Variants in COLQ observed in about 807,000 individuals in gnomAD.
The protein encoded by COLQ is acetylcholinesterase collagenic tail peptide.
COLQ carries 48 observed loss-of-function variants against 69.0 expected under a neutral mutation model. That is an observed-to-expected ratio of 0.70 (90% CI 0.55 to 0.88). The LOEUF (loss-of-function observed/expected upper bound fraction) is 0.88, where lower values mean the gene tolerates loss of function less well. Ranked by LOEUF, COLQ falls within the 40% of genes least tolerant of loss-of-function variation. COLQ has a pLI of 0.00. For missense variants in COLQ, 618 were observed against 594.6 expected (o/e 1.04, Z -0.41); for synonymous variants, 217 against 211.2 (o/e 1.03, Z -0.24).
chr3:15,453,250 A>T (rs1384553535), intron 16 of COLQ, among the ~76,000 whole-genome samples: 10 of 152,214 alleles, frequency 6.6e-5, no homozygotes, highest in Admixed American at 1.3e-4. Context: ...TGTCCTGAAC[A>T]ACATAAATAG....
chr3:15,515,801 G>C (rs183675627), intron 1 of COLQ, among the ~76,000 whole-genome samples: 1 of 152,150 alleles, frequency 6.6e-6, no homozygotes, highest in Non-Finnish European at 1.5e-5. Context: ...GCGAGACTCC[G>C]TCTCAAAAAA....
chr3:15,497,491 C>T (rs1013582967), intron 1 of COLQ, among the ~76,000 whole-genome samples: 1 of 152,170 alleles, frequency 6.6e-6, no homozygotes, highest in Non-Finnish European at 1.5e-5. Context: ...AAGTAGCCTT[C>T]CCTCCCACCC....
intron 1 of COLQ, among the ~76,000 whole-genome samples, chr3:15,507,971 C>A (rs1025304172): frequency 2.0e-5 from 3 of 151,966 alleles, no homozygotes; most frequent in Admixed American, 2.0e-4. Context: ...GTTTTTGCCA[C>A]ACATTATTTT....
In COLQ at chr3:15,450,938, C is replaced by T. The variant is rs932259649; in HGVS notation, c.*706G>A. On this transcript the variant is annotated 3_prime_UTR_variant, in exon 17 of 17. Coordinates refer to ENST00000383788, the MANE Select transcript of COLQ (RefSeq NM_005677.4). The stretch of plus-strand genomic sequence containing the variant: ...CCAGAGATTTTGAAACCACAAGAGC[C>T]GCCCCTTTGGGAAACACTGAGAAGA... The T allele has an allele frequency of 8.5e-5, 13 of 152,874 alleles. No homozygotes were observed. The highest frequency in any genetic ancestry group is 2.6e-4 in the African/African-American group (11 of 41,572). The allele number at this position is 152,874 out of a possible 1,614,324, so 9.5% of individuals were successfully genotyped here.
intron 12 of COLQ, among the ~76,000 whole-genome samples, chr3:15,461,871 A>G (rs2062119821): frequency 6.6e-6 from 1 of 151,778 alleles, no homozygotes; most frequent in South Asian, 2.1e-4. Flanking sequence ...AGGTATATAC[A>G]GTTTTTTCCC....
At chr3:15,478,917 C>A (rs1575476895) in intron 5 of COLQ, 60 bp downstream of exon 5, 1 of 1,601,660 alleles carries the variant, frequency 6.2e-7, no homozygotes, top group East Asian at 2.2e-5. Context: ...CCTAGGAGTG[C>A]ATGCACACAC....
At position 15,470,493 on chromosome 3, in the gene COLQ, GAAGTTCTGACCTCAGGCGGGTGGT is replaced by G. The variant is rs760164844; in HGVS notation, c.717+19_717+42del. 7.0e-6 allele frequency: 11 copies of G among 1,563,648 alleles called. No homozygotes were observed. In the East Asian group the frequency reaches 2.2e-4, roughly 32 times the overall value. ...GCCACTCCACACACTGCCAGGTCAG[GAAGTTCTGACCTCAGGCGGGTGGT>G]AAGCCCTGGGATCCTTACCTGCTTG... is the stretch of plus-strand genomic sequence containing the variant. On this transcript the variant is annotated intron_variant, in intron 11 of 16. Coordinates refer to ENST00000383788, the MANE Select transcript of COLQ (RefSeq NM_005677.4).
intron 1 of COLQ, among the ~76,000 whole-genome samples, chr3:15,493,471 T>C (rs1237416990): frequency 6.6e-6 from 1 of 152,288 alleles, no homozygotes; most frequent in Non-Finnish European, 1.5e-5. Flanking sequence ...TGCTTCTTTC[T>C]GTGCATCTGA....
chr3:15,456,141 G>T, intron 14 of COLQ, 122 bp from the exon 15 acceptor site: 3 of 1,180,542 alleles, frequency 2.5e-6, no homozygotes, highest in Non-Finnish European at 3.7e-6. Flanking sequence ...TCCTCCCAGG[G>T]GTGGGAAAGG....
intron 6 of COLQ, among the ~76,000 whole-genome samples, chr3:15,476,242 T>C (rs898065996): frequency 6.6e-6 from 1 of 152,252 alleles, no homozygotes; most frequent in African/African-American, 2.4e-5. Flanking sequence ...ATAAAATTTA[T>C]AGTTGAAAAA....
At position 15,458,330 on chromosome 3, in the gene COLQ, G is replaced by A. The variant is rs771406985; in HGVS notation, c.815-5C>T. ...TGGGTCCCATTATAAGTTGTCCTAG[G>A]AAGCAACAGACTGCTGTGTTACTAG... On this transcript the variant is annotated splice_polypyrimidine_tract_variant and splice_region_variant and intron_variant, in intron 12 of 16. Transcript: ENST00000383788. 2.5e-6 allele frequency: 4 copies of A among 1,614,078 alleles called. No individual in the cohort carries two copies. In the East Asian group the frequency reaches 8.9e-5, roughly 36 times the overall value.
chr3:15,514,440 A>G lies in COLQ; in HGVS notation c.106+7080T>C, dbSNP rs954473956. Among the ~76,000 whole-genome samples the G allele has an allele frequency of 7.9e-5, 12 of 152,332 alleles. 1 individual carries two copies. Among genetic ancestry groups the G allele is most frequent in the East Asian group, 1.9e-4 (1 of 5,186 alleles). On this transcript the variant is annotated intron_variant, in intron 1 of 16. Transcript: ENST00000383788. ...CCATGCTGGCCGTAGTTCAGTGATT[A>G]GCCCTGCCCAGACATTAGAATCACC...
Position 15,451,270 on chromosome 3 carries a change from T to G in COLQ, c.*374A>C. ...CTGTACTCCAGATTCCCCAAAGAGA[T>G]CAAAACATTCTAAAACAGCCTGCAG... On this transcript the variant is annotated 3_prime_UTR_variant, in exon 17 of 17. Coordinates refer to ENST00000383788, the MANE Select transcript of COLQ (RefSeq NM_005677.4). The G allele has an allele frequency of 5.9e-6, 2 of 337,378 alleles. No homozygotes were observed. The highest frequency in any genetic ancestry group is 2.9e-5 in the South Asian group (1 of 34,180). 20.9% of individuals were successfully genotyped at this position (337,378 alleles called of 1,614,324 possible).
At chr3:15,468,427 C>T (rs2062233449) in intron 11 of COLQ, among the ~76,000 whole-genome samples, 1 of 144,290 alleles carries the variant, frequency 6.9e-6, no homozygotes, top group East Asian at 2.1e-4. Context: ...CTGCCTCCTG[C>T]GTTCAAGCAA....
chr3:15,512,949 C>T (rs139244181), intron 1 of COLQ, among the ~76,000 whole-genome samples: 2 of 152,158 alleles, frequency 1.3e-5, no homozygotes, highest in Non-Finnish European at 2.9e-5. Flanking sequence ...AACCACTCTG[C>T]GATTCTGCCT....
intron 1 of COLQ, among the ~76,000 whole-genome samples, chr3:15,502,394 G>A (rs925969913): frequency 1.3e-5 from 2 of 151,894 alleles, no homozygotes; most frequent in African/African-American, 2.4e-5. Context: ...TGGGATTACA[G>A]ACATGAGCCA....
intron 3 of COLQ, among the ~76,000 whole-genome samples, chr3:15,486,975 T>C (rs912357132): frequency 6.6e-6 from 1 of 152,198 alleles, no homozygotes; most frequent in Admixed American, 6.5e-5. Flanking sequence ...AACTTCGATG[T>C]TTTATTGAAA....
chr3:15,517,411 C>T (rs1405603136), intron 1 of COLQ, among the ~76,000 whole-genome samples: 1 of 152,176 alleles, frequency 6.6e-6, no homozygotes, highest in Non-Finnish European at 1.5e-5. Flanking sequence ...TTCAGGAGTG[C>T]TGCGAGAATT....
rs73146191 is a variant in COLQ, at chr3:15,517,640, C to A, written c.106+3880G>T. ...AGTTTACCCACAAACACATGAACTT[C>A]AACAATAAATGGTTGTTGTTTTGAT... On this transcript the variant is annotated intron_variant, in intron 1 of 16. Coordinates refer to ENST00000383788, the MANE Select transcript of COLQ (RefSeq NM_005677.4). 3.9e-3 allele frequency among the ~76,000 whole-genome samples: 600 copies of A among 152,200 alleles called. 6 individuals are homozygous for A. The highest frequency in any genetic ancestry group is 0.013 in the African/African-American group (557 of 41,534).
Sources: gnomAD v4.1 joint callset for allele counts (sites outside exome capture counted in the v4.1 genomes callset) on GRCh38, gnomAD v4.1.1 for gene constraint, MANE v1.5 for transcripts, NCBI Gene and HGNC (gene_info 2026-07-23, HGNC 2026-07-21) for gene names.